PTPRN2: variants seen among roughly 807,000 people sequenced by gnomAD.
PTPRN2 encodes the protein protein tyrosine phosphatase receptor type N2, also known as receptor-type tyrosine-protein phosphatase N2.
In PTPRN2, 74 loss-of-function variants were observed where a neutral mutation model predicts 118.8. The observed-to-expected ratio is 0.62, with a 90% CI of 0.52 to 0.76. PTPRN2 has a LOEUF of 0.76. Among genes scored for constraint, PTPRN2 ranks in the 30% least tolerant of loss-of-function variants. The probability of loss-of-function intolerance (pLI) is 0.00; values close to 1 mark genes in which losing one functional copy is unlikely to be tolerated. For synonymous variants in PTPRN2, 641 were observed against 608.0 expected (o/e 1.05, Z -0.80); for missense variants, 1,481 against 1,394.4 (o/e 1.06, Z -0.99).
chr7:158,428,776 A>G (rs1225226720), intron 2 of PTPRN2, among the ~76,000 whole-genome samples: 2 of 151,894 alleles, frequency 1.3e-5, no homozygotes, highest in African/African-American at 4.8e-5. Flanking sequence ...TCTGATGGGG[A>G]AGTTCAGTCA....
At chr7:157,753,420 A>G (rs553093934) in intron 12 of PTPRN2, among the ~76,000 whole-genome samples, 1 of 152,276 alleles carries the variant, frequency 6.6e-6, no homozygotes, top group South Asian at 2.1e-4. Flanking sequence ...CTGTGCTATC[A>G]GAACACAGCC....
rs765722971 is a variant in PTPRN2 at position 158,133,826 on chromosome 7, C to T, written c.1407G>A (p.Ala469=). ...QQPHSEPGAA[A]FGELQNQMPG... is the part of the protein sequence containing the mutation. ...GCATCTGGTTTTGGAGCTCCCCAAACGCAGCGGCCCCGGGCTCCGAATGCG... is the reference window on the plus strand; with the variant it reads ...GCATCTGGTTTTGGAGCTCCCCAAATGCAGCGGCCCCGGGCTCCGAATGCG... Residue 469 remains alanine (A), a synonymous_variant, in exon 9 of 23, where the codon GCG becomes GCA. Transcript: ENST00000389418. The T allele has an allele frequency of 5.8e-5, 93 of 1,613,990 alleles. 2 individuals are homozygous for T. In the South Asian group the frequency reaches 6.0e-4, roughly 10 times the overall value.
chr7:158,054,810 C>T (rs1809655343), intron 11 of PTPRN2, among the ~76,000 whole-genome samples: 1 of 152,242 alleles, frequency 6.6e-6, no homozygotes, highest in Admixed American at 6.5e-5. Context: ...GGCGCGGGCA[C>T]CATTAATTCC....
In PTPRN2 at chr7:158,481,416, C is replaced by T. The variant is rs10239873; in HGVS notation, c.163+8319G>A. ...GTGTTGTTTCCATGCCTGCTGACACCTCGTCCATTCTGCAGCCCAGGGATC... is the reference window on the plus strand; with the variant it reads ...GTGTTGTTTCCATGCCTGCTGACACTTCGTCCATTCTGCAGCCCAGGGATC... On this transcript the variant is annotated intron_variant, in intron 2 of 22. Transcript: ENST00000389418. 2.1e-4 allele frequency among the ~76,000 whole-genome samples: 32 copies of T among 152,346 alleles called. 1 individual carries two copies. The highest frequency in any genetic ancestry group is 7.7e-4 in the African/African-American group (32 of 41,596).
intron 11 of PTPRN2, among the ~76,000 whole-genome samples, chr7:157,962,031 A>G (rs1801577575): frequency 6.6e-6 from 1 of 152,206 alleles, no homozygotes; most frequent in Non-Finnish European, 1.5e-5. Context: ...AAGAGGCCTC[A>G]GTGCCCGGCG....
chr7:157,771,915 AACAC>A (rs1347461119), intron 12 of PTPRN2, among the ~76,000 whole-genome samples: 1 of 147,892 alleles, frequency 6.8e-6, no homozygotes, highest in African/African-American at 2.5e-5. Context: ...CACACAGACA[AACAC>A]ACAGAGACAC....
intron 11 of PTPRN2, among the ~76,000 whole-genome samples, chr7:158,049,517 C>T (rs1809167625): frequency 6.6e-6 from 1 of 152,234 alleles, no homozygotes; most frequent in African/African-American, 2.4e-5. Context: ...TCAGCTGATC[C>T]TTGAGCTGAA....
At chr7:158,283,823 G>A (rs967157538) in intron 3 of PTPRN2, among the ~76,000 whole-genome samples, 3 of 152,062 alleles carry the variant, frequency 2.0e-5, no homozygotes, top group Non-Finnish European at 4.4e-5. Context: ...ATGCAGAGGG[G>A]TGACAGCATG....
chr7:157,806,152 G>C (rs1399394092), intron 12 of PTPRN2, among the ~76,000 whole-genome samples: 6 of 152,174 alleles, frequency 3.9e-5, no homozygotes, highest in Admixed American at 3.9e-4. Flanking sequence ...GGAACCAGAA[G>C]TGTCTCAAAT....
chr7:157,903,025 A>C lies in PTPRN2; in HGVS notation c.1724-4288T>G, dbSNP rs1797557666. Among the ~76,000 whole-genome samples, 1 of 152,138 alleles carries C rather than the reference A, an allele frequency of 6.6e-6. No individual in the cohort carries two copies. The highest frequency in any genetic ancestry group is 1.5e-5 in the Non-Finnish European group (1 of 68,032). On this transcript the variant is annotated intron_variant, in intron 11 of 22. Coordinates refer to ENST00000389418, the MANE Select transcript of PTPRN2 (RefSeq NM_002847.5). This position sits in a 1 kb window ranked among gnomAD's most constrained non-coding sequence, Gnocchi z 4.2. ...ACATCCACGTTGCTGCAAAGGACAC[A>C]ATTTGGGGCCACCATCCTAAGCAAA...
rs527675435 is a variant in PTPRN2, at chr7:157,736,548, C to T, written c.1789-53611G>A. ...GAGGTCACAGGAAGAACCGCCCCCA[C>T]CCCCGCCGCCCCCCACAGCTTGGTC... On this transcript the variant is annotated intron_variant, in intron 12 of 22. Coordinates refer to ENST00000389418, the MANE Select transcript of PTPRN2 (RefSeq NM_002847.5). Among the ~76,000 whole-genome samples, 3 of 152,010 alleles carry T rather than the reference C, an allele frequency of 2.0e-5. No individual in the cohort carries two copies. The South Asian group carries it at 6.2e-4, about 32-fold the overall frequency.
intron 3 of PTPRN2, among the ~76,000 whole-genome samples, chr7:158,267,157 G>A (rs1161708614): frequency 3.9e-5 from 6 of 152,214 alleles, no homozygotes; most frequent in Non-Finnish European, 7.3e-5. Flanking sequence ...CACTTTGCGT[G>A]GAATTTTAAA....
Position 158,055,034 on chromosome 7 carries a change from C to T in PTPRN2, c.1723+26264G>A, listed in dbSNP as rs140363626. Among the ~76,000 whole-genome samples, 46 of 152,202 alleles carry T rather than the reference C, an allele frequency of 3.0e-4. No individual in the cohort carries two copies. The East Asian group carries it at 8.5e-3, about 28-fold the overall frequency. On this transcript the variant is annotated intron_variant, in intron 11 of 22. Transcript: ENST00000389418. ...GTGCCGAGGCAAGAGACTGAGGGCACGAACTGTTCCAGTGTAATAAAATAT... is the reference window on the plus strand; with the variant it reads ...GTGCCGAGGCAAGAGACTGAGGGCATGAACTGTTCCAGTGTAATAAAATAT...
At chr7:158,376,261 G>C (rs1447031944) in intron 2 of PTPRN2, among the ~76,000 whole-genome samples, 1 of 151,880 alleles carries the variant, frequency 6.6e-6, no homozygotes, top group Non-Finnish European at 1.5e-5. Context: ...TGCAGGGTCA[G>C]GGGACTCCCC....
intron 2 of PTPRN2, among the ~76,000 whole-genome samples, chr7:158,370,781 A>G (rs1809928786): frequency 6.6e-6 from 1 of 152,136 alleles, no homozygotes; most frequent in African/African-American, 2.4e-5. Context: ...CAATCAATCA[A>G]TAAAGGCTGG....
At chr7:158,352,255 C>T (rs1354391073) in intron 2 of PTPRN2, among the ~76,000 whole-genome samples, 1 of 72,282 alleles carries the variant, frequency 1.4e-5, no homozygotes, top group African/African-American at 6.4e-5. Flanking sequence ...CGCTCCCCTC[C>T]TGACTGCTCC....
intron 2 of PTPRN2, among the ~76,000 whole-genome samples, chr7:158,445,831 G>A (rs1289710033): frequency 6.6e-6 from 1 of 152,226 alleles, no homozygotes; most frequent in East Asian, 1.9e-4. Flanking sequence ...AGCAGCAGAC[G>A]CATCATCAGT....
chr7:157,761,884 G>T (rs1802152356), intron 12 of PTPRN2, among the ~76,000 whole-genome samples: 1 of 151,972 alleles, frequency 6.6e-6, no homozygotes, highest in Non-Finnish European at 1.5e-5. Context: ...AATCTACAAT[G>T]AACTCAAACA....
chr7:157,773,288 A>G (rs946339865), intron 12 of PTPRN2, among the ~76,000 whole-genome samples: 54 of 152,204 alleles, frequency 3.5e-4, no homozygotes, highest in Admixed American at 1.3e-3. Context: ...GGACATTAGA[A>G]GCACAAACCA....
Sources: allele counts gnomAD v4.1 joint callset (sites outside exome capture counted in the v4.1 genomes callset), GRCh38; gene constraint gnomAD v4.1.1; non-coding constraint Gnocchi (gnomAD v3.1); transcripts MANE v1.5; gene names NCBI Gene and HGNC (gene_info 2026-07-23, HGNC 2026-07-21).